HPSE2: variants seen among roughly 807,000 people sequenced by gnomAD.
HPSE2 encodes the protein heparanase 2 (inactive), also known as inactive heparanase-2.
In HPSE2, 38 loss-of-function variants were observed where a neutral mutation model predicts 60.5. The observed-to-expected ratio is 0.63, with a 90% CI of 0.48 to 0.82. The LOEUF (loss-of-function observed/expected upper bound fraction) is 0.82. Among genes scored for constraint, HPSE2 ranks in the 40% least tolerant of loss-of-function variants. The probability of loss-of-function intolerance (pLI) is 0.00; values close to 1 mark genes in which losing one functional copy is unlikely to be tolerated. For synonymous variants in HPSE2, 295 were observed against 293.2 expected, an observed-to-expected ratio of 1.01 and a Z score of -0.06; for missense variants, 713 against 740.4, an observed-to-expected ratio of 0.96 and a Z score of 0.43.
chr10:98,677,497 C>G (rs1379638712), intron 6 of HPSE2, among the ~76,000 whole-genome samples: 1 of 152,290 alleles, frequency 6.6e-6, no homozygotes, highest in Admixed American at 6.5e-5. Flanking sequence ...TTTATGAGGG[C>G]TCAATGTATT....
At chr10:98,924,925 G>A (rs747232565) in intron 3 of HPSE2, among the ~76,000 whole-genome samples, 6 of 152,182 alleles carry the variant, frequency 3.9e-5, no homozygotes, top group Non-Finnish European at 8.8e-5. Context: ...TCTGGCTAGG[G>A]CTGGTCCAGA....
intron 11 of HPSE2, among the ~76,000 whole-genome samples, chr10:98,481,542 C>T (rs1418131280): frequency 6.6e-6 from 1 of 152,094 alleles, no homozygotes; most frequent in Non-Finnish European, 1.5e-5. Context: ...GAAAAACAGA[C>T]GCAATGTACA....
intron 3 of HPSE2, among the ~76,000 whole-genome samples, chr10:98,824,488 CTAA>C (rs1420188336): frequency 6.6e-6 from 1 of 152,100 alleles, no homozygotes; most frequent in Non-Finnish European, 1.5e-5. Context: ...TGTGTGTGTG[CTAA>C]TGTCTCTTAC....
At chr10:98,545,361 T>G (rs1185679938) in intron 9 of HPSE2, among the ~76,000 whole-genome samples, 5 of 152,090 alleles carry the variant, frequency 3.3e-5, no homozygotes, top group Non-Finnish European at 5.9e-5. Context: ...AAAAAGAGAA[T>G]TTTAGACCAA....
At chr10:98,556,624 G>T (rs79784592) in intron 9 of HPSE2, among the ~76,000 whole-genome samples, 1 of 152,104 alleles carries the variant, frequency 6.6e-6, no homozygotes, top group Non-Finnish European at 1.5e-5. Flanking sequence ...TAAGACCTCT[G>T]CCTTGAAAAC....
At position 98,520,464 on chromosome 10, in the gene HPSE2, C is replaced by T. The variant is rs112666020; in HGVS notation, c.1321-30268G>A. 3.5e-3 allele frequency among the ~76,000 whole-genome samples: 537 copies of T among 152,240 alleles called. 3 individuals are homozygous for T. Among genetic ancestry groups the T allele is most frequent in the Non-Finnish European group, 6.3e-3 (426 of 68,030 alleles). On this transcript the variant is annotated intron_variant, in intron 9 of 11. Transcript: ENST00000370552. ...TAACCTCACATTTCACGTTTTTAAG[C>T]GTAGACTATACTGTCTATGCTTTCA...
the HPSE2 span, among the ~76,000 whole-genome samples, chr10:99,259,282 G>A: frequency 1.4e-5 from 2 of 142,176 alleles, no homozygotes; most frequent in Admixed American, 7.2e-5. Flanking sequence ...CTCCAGCCTG[G>A]GCAACAAGAG....
chr10:98,927,245 T>G (rs1414463007), intron 3 of HPSE2, among the ~76,000 whole-genome samples: 1 of 152,150 alleles, frequency 6.6e-6, no homozygotes, highest in Non-Finnish European at 1.5e-5. Context: ...AGTCTAAGCC[T>G]CTTTGTAGGT....
rs143309322 is a variant in HPSE2 at position 99,124,725 on chromosome 10, G to A, written c.610+19513C>T. 7.9e-5 allele frequency among the ~76,000 whole-genome samples: 12 copies of A among 152,372 alleles called. No homozygotes were observed. The East Asian group carries it at 1.2e-3, about 15-fold the overall frequency. ...CCAGACAGCAGGAGTAGGCACTTCC[G>A]AGCCTGCTGGGGCAGAGGAGCTTCC... On this transcript the variant is annotated intron_variant, in intron 3 of 11. Coordinates refer to ENST00000370552, the MANE Select transcript of HPSE2 (RefSeq NM_021828.5).
intron 3 of HPSE2, among the ~76,000 whole-genome samples, chr10:98,827,913 C>T (rs1268236767): frequency 6.6e-6 from 1 of 152,106 alleles, no homozygotes; most frequent in African/African-American, 2.4e-5. Flanking sequence ...ACATTTAAAT[C>T]AGTAGACCTT....
chr10:99,249,481 C>G, the HPSE2 span, among the ~76,000 whole-genome samples: 1 of 152,228 alleles, frequency 6.6e-6, no homozygotes, highest in Non-Finnish European at 1.5e-5. Context: ...GTGTCTGCAC[C>G]TCCATTGTAT....
intron 3 of HPSE2, among the ~76,000 whole-genome samples, chr10:98,916,147 G>A (rs1188557926): frequency 6.6e-6 from 1 of 152,214 alleles, no homozygotes. Context: ...CTCTGGCTGT[G>A]ATAACCATCC....
intron 7 of HPSE2, among the ~76,000 whole-genome samples, chr10:98,623,051 CT>C (rs372889980): frequency 7.9e-5 from 12 of 150,968 alleles, no homozygotes; most frequent in East Asian, 3.9e-4. Flanking sequence ...TTGTGTTTTT[CT>C]TTTTTTTTGT....
At chr10:98,848,369 G>C (rs1952082639) in intron 3 of HPSE2, among the ~76,000 whole-genome samples, 4 of 151,714 alleles carry the variant, frequency 2.6e-5, no homozygotes, top group African/African-American at 4.8e-5. Context: ...AGTGAGCCTA[G>C]ATCGCACCAC....
intron 11 of HPSE2, among the ~76,000 whole-genome samples, chr10:98,463,675 C>T (rs561653060): frequency 3.9e-5 from 6 of 152,146 alleles, no homozygotes; most frequent in South Asian, 2.1e-4. Context: ...TGTGGTGGCA[C>T]ATGCCTGTAG....
chr10:99,246,858 A>C, the HPSE2 span, among the ~76,000 whole-genome samples: 653 of 152,288 alleles, frequency 4.3e-3, 2 homozygotes, highest in Non-Finnish European at 7.1e-3. Flanking sequence ...TTATGTGTCC[A>C]GTTTTGCCTA....
intron 3 of HPSE2, among the ~76,000 whole-genome samples, chr10:99,119,289 G>A (rs991972782): frequency 6.6e-6 from 1 of 152,026 alleles, no homozygotes. Context: ...CACTAGCATT[G>A]CTACACCAAC....
In HPSE2 at chr10:99,144,300, T is replaced by C. The variant is rs1331477333; in HGVS notation, c.548A>G (p.Gln183Arg). 6 of 1,614,008 alleles carry C rather than the reference T, an allele frequency of 3.7e-6. No individual in the cohort carries two copies. Among genetic ancestry groups the C allele is most frequent in the African/African-American group, 1.3e-5 (1 of 74,950 alleles). ...CTCCTTTAGAAGAACCAGATGCATC[T>C]GAGCTGCCTTCTCCCTTTGGAGCTC... Reference protein sequence around the residue: ...MLELQREKAAQMHLVLLKEQF... With the variant: ...MLELQREKAARMHLVLLKEQF... Residue 183 changes from glutamine (Q) to arginine (R), a missense_variant, in exon 3 of 12, where the codon CAG (glutamine) becomes CGG (arginine). By Grantham distance (43) the Gln-to-Arg change is conservative (BLOSUM62 1). Coordinates refer to ENST00000370552, the MANE Select transcript of HPSE2 (RefSeq NM_021828.5).
intron 3 of HPSE2, among the ~76,000 whole-genome samples, chr10:99,102,516 G>A (rs1234969410): frequency 6.6e-6 from 1 of 152,134 alleles, no homozygotes; most frequent in Middle Eastern, 3.2e-3. Flanking sequence ...AAAAAGGCCA[G>A]GACCAGATGG....
Sources: gnomAD v4.1 joint callset for allele counts (sites outside exome capture counted in the v4.1 genomes callset) on GRCh38, gnomAD v4.1.1 for gene constraint, MANE v1.5 for transcripts, NCBI Gene and HGNC (gene_info 2026-07-23, HGNC 2026-07-21) for gene names.